Variants in GRID2 observed in about 807,000 individuals in gnomAD.
GRID2 encodes the protein glutamate ionotropic receptor delta type subunit 2, also known as glutamate receptor ionotropic, delta-2.
GRID2 carries 33 observed loss-of-function variants against 114.8 expected under a neutral mutation model. The observed-to-expected ratio is 0.29, with a 90% CI of 0.22 to 0.38. The LOEUF (loss-of-function observed/expected upper bound fraction) is 0.38. Among genes scored for constraint, GRID2 ranks in the 10% least tolerant of loss-of-function variants. The pLI, the probability that GRID2 is intolerant of heterozygous loss-of-function variation, is 1.00. For synonymous variants in GRID2, 505 were observed against 449.9 expected (o/e 1.12, Z -1.55); for missense variants, 1,184 against 1,257.7 (o/e 0.94, Z 0.89).
chr4:92,600,568 G>A (rs1253959462), intron 2 of GRID2, among the ~76,000 whole-genome samples: 1 of 152,090 alleles, frequency 6.6e-6, no homozygotes, highest in Admixed American at 6.5e-5. Flanking sequence ...CTGACTATGG[G>A]GACTTTTTCG....
chr4:93,472,626 A>T (rs746338580), intron 11 of GRID2, among the ~76,000 whole-genome samples: 13 of 152,220 alleles, frequency 8.5e-5, no homozygotes, highest in Middle Eastern at 3.4e-3. Flanking sequence ...TGAGGATCCC[A>T]TTTTTGCATA....
chr4:92,737,811 T>C (rs1579943495), intron 2 of GRID2, among the ~76,000 whole-genome samples: 1 of 152,296 alleles, frequency 6.6e-6, no homozygotes, highest in East Asian at 1.9e-4. Flanking sequence ...ATTTAATGCA[T>C]TTCAATATTT....
chr4:93,335,720 ACT>A (rs1759005238), intron 8 of GRID2, among the ~76,000 whole-genome samples: 1 of 134,676 alleles, frequency 7.4e-6, no homozygotes, highest in South Asian at 2.2e-4. Context: ...ACAGGGTCTC[ACT>A]CTGTCATTCA....
intron 14 of GRID2, among the ~76,000 whole-genome samples, chr4:93,691,245 T>A (rs1726538793): frequency 6.6e-6 from 1 of 151,972 alleles, no homozygotes; most frequent in South Asian, 2.1e-4. Flanking sequence ...ATAGATTGAT[T>A]AGAACAAATT....
In GRID2 at chr4:93,048,028, A is replaced by T. The variant is rs563941837; in HGVS notation, c.245-36967A>T. On this transcript the variant is annotated intron_variant, in intron 2 of 15. Coordinates refer to ENST00000282020, the MANE Select transcript of GRID2 (RefSeq NM_001510.4). Reference sequence around the variant, plus strand: ...TTTGGAAACTGGAAATTAAAATCACAAAGTATATTGATGGCCCATAGGCTA... The same window carrying T: ...TTTGGAAACTGGAAATTAAAATCACTAAGTATATTGATGGCCCATAGGCTA... Among the ~76,000 whole-genome samples, 182 of 152,196 alleles carry T rather than the reference A, an allele frequency of 1.2e-3. 1 individual carries two copies. The highest frequency in any genetic ancestry group is 4.0e-3 in the African/African-American group (168 of 41,544).
At position 92,644,640 on chromosome 4, in the gene GRID2, GT is replaced by G. The variant is rs1365986371; in HGVS notation, c.244+54358del. On this transcript the variant is annotated intron_variant, in intron 2 of 15. Coordinates refer to ENST00000282020, the MANE Select transcript of GRID2 (RefSeq NM_001510.4). ...CACATGCCTTCAACATCTTTAAAAG[GT>G]TTTGTTTCCTGTTTGTCATTTTAGA... 5.9e-5 allele frequency among the ~76,000 whole-genome samples: 9 copies of G among 151,608 alleles called. No individual in the cohort carries two copies. The Admixed American group carries it at 5.9e-4, about 10-fold the overall frequency.
intron 8 of GRID2, among the ~76,000 whole-genome samples, chr4:93,341,248 G>A (rs1272234571): frequency 6.6e-6 from 1 of 152,020 alleles, no homozygotes; most frequent in Non-Finnish European, 1.5e-5. Flanking sequence ...AAAACAGCAT[G>A]TCTTCCATTT....
At chr4:92,627,193 T>C (rs1560497507) in intron 2 of GRID2, among the ~76,000 whole-genome samples, 1 of 152,072 alleles carries the variant, frequency 6.6e-6, no homozygotes, top group Non-Finnish European at 1.5e-5. Context: ...AGTATACGTA[T>C]GGAATGGGCA....
chr4:93,417,447 A>G (rs1309164848), intron 9 of GRID2, among the ~76,000 whole-genome samples: 1 of 152,060 alleles, frequency 6.6e-6, no homozygotes, highest in Non-Finnish European at 1.5e-5. Flanking sequence ...TACAGAAAAA[A>G]GCATGAAACA....
intron 1 of GRID2, among the ~76,000 whole-genome samples, chr4:92,566,224 A>G (rs541186204): frequency 6.6e-6 from 1 of 152,124 alleles, no homozygotes; most frequent in East Asian, 1.9e-4. Flanking sequence ...ATCTCAAAAT[A>G]TGATTTTCAT....
chr4:92,708,696 A>G (rs370192579), intron 2 of GRID2, among the ~76,000 whole-genome samples: 30 of 152,312 alleles, frequency 2.0e-4, no homozygotes, highest in African/African-American at 7.0e-4. Context: ...TACTTTTCTC[A>G]GACATGTTTG....
intron 2 of GRID2, among the ~76,000 whole-genome samples, chr4:92,757,873 G>A (rs1171677945): frequency 4.6e-5 from 7 of 151,732 alleles, no homozygotes; most frequent in African/African-American, 1.7e-4. Flanking sequence ...TTATACATTG[G>A]ATTTAGTAAG....
intron 2 of GRID2, among the ~76,000 whole-genome samples, chr4:92,824,474 G>A (rs1347913454): frequency 6.6e-6 from 1 of 151,372 alleles, no homozygotes; most frequent in African/African-American, 2.4e-5. Context: ...TCATGGCTAG[G>A]GTTTTATATT....
intron 1 of GRID2, among the ~76,000 whole-genome samples, chr4:92,458,413 G>A (rs920934505): frequency 6.6e-5 from 10 of 152,006 alleles, no homozygotes; most frequent in Middle Eastern, 3.2e-3. Context: ...CACAATTTAG[G>A]GATTAGTCTT....
chr4:93,448,881 CCCCTT>C lies in GRID2; in HGVS notation c.1546-6767_1546-6763del, dbSNP rs1295363046. On this transcript the variant is annotated intron_variant, in intron 10 of 15. Coordinates refer to ENST00000282020, the MANE Select transcript of GRID2 (RefSeq NM_001510.4). The stretch of plus-strand genomic sequence containing the variant: ...CTTCCCCTTCCCTTCCCCTTCCCTT[CCCCTT>C]CCCTTCCCTTCCCCTTCCCTTCCCT... Among the ~76,000 whole-genome samples the C allele has an allele frequency of 7.4e-3, 131 of 17,690 alleles. 1 individual carries two copies. Among genetic ancestry groups the C allele is most frequent in the Middle Eastern group, 0.05 (1 of 20 alleles). The allele number at this position is 17,690 out of a possible 152,430, so 11.6% of individuals were successfully genotyped here. A position where few individuals can be genotyped will look rare whatever the true frequency, so the allele number is the denominator to read the frequency against.
chr4:92,495,319 G>C (rs1308030708), intron 1 of GRID2, among the ~76,000 whole-genome samples: 8 of 151,910 alleles, frequency 5.3e-5, no homozygotes. Context: ...AGAATCTAGG[G>C]CTAGTCGCTA....
At chr4:93,229,621 G>T (rs905440152) in intron 7 of GRID2, among the ~76,000 whole-genome samples, 6 of 152,110 alleles carry the variant, frequency 3.9e-5, no homozygotes, top group Non-Finnish European at 8.8e-5. Context: ...AATACAAAAT[G>T]CCTATATTAA....
intron 2 of GRID2, among the ~76,000 whole-genome samples, chr4:92,743,529 C>T (rs1267077392): frequency 6.6e-6 from 1 of 152,090 alleles, no homozygotes; most frequent in African/African-American, 2.4e-5. Flanking sequence ...AGCTTTTCTT[C>T]ACTACATATT....
intron 1 of GRID2, among the ~76,000 whole-genome samples, chr4:92,442,817 A>G (rs1733186254): frequency 6.6e-6 from 1 of 152,192 alleles, no homozygotes; most frequent in East Asian, 1.9e-4. Context: ...ATAAAGAAAA[A>G]GGAGCATTAA....
Sources: allele counts gnomAD v4.1 joint callset (sites outside exome capture counted in the v4.1 genomes callset), GRCh38; gene constraint gnomAD v4.1.1; transcripts MANE v1.5; gene names NCBI Gene and HGNC (gene_info 2026-07-23, HGNC 2026-07-21).